NDUFS8: variants seen among roughly 807,000 people sequenced by gnomAD.
NDUFS8 encodes NADH:ubiquinone oxidoreductase core subunit S8, also known as NADH dehydrogenase [ubiquinone] iron-sulfur protein 8, mitochondrial.
Under a neutral mutation model 25.6 loss-of-function variants are expected in NDUFS8, and 13 were observed. The observed-to-expected ratio is 0.51, with a 90% CI of 0.33 to 0.81. NDUFS8 has a LOEUF of 0.81. NDUFS8 is among the 30% of genes least tolerant of loss of function. The pLI is 0.02. For missense variants in NDUFS8, 257 were observed against 300.9 expected (o/e 0.85, Z 1.08); for synonymous variants, 119 against 119.4 (o/e 1.00, Z 0.02).
rs1854883721 is a variant in NDUFS8 at position 68,036,099 on chromosome 11, G to C, written c.373-154G>C. 3.3e-6 allele frequency: 4 copies of C among 1,215,130 alleles called. No homozygotes were observed. In the South Asian group the frequency reaches 3.8e-5, roughly 12 times the overall value. 75.3% of individuals were successfully genotyped at this position (1,215,130 alleles called of 1,614,324 possible). A position where few individuals can be genotyped will look rare whatever the true frequency, so the allele number is the denominator to read the frequency against. On this transcript the variant is annotated intron_variant, in intron 5 of 6. Transcript: ENST00000313468. ...GCTGAGGAGACAGGCGCGAGCACCA[G>C]AGGTGCAGGGCGGCCTCTTAGCCGG...
intron 1 of NDUFS8, chr11:68,031,791 A>G: frequency 2.5e-6 from 1 of 393,298 alleles, no homozygotes; most frequent in South Asian, 2.2e-5. Context: ...CTCTCAGTGC[A>G]TGCTGGCGGG....
chr11:68,030,835 TC>T, intron 1 of NDUFS8, 102 bp downstream of exon 1: 1 of 417,168 alleles, frequency 2.4e-6, no homozygotes, highest in South Asian at 1.6e-5. Flanking sequence ...CGCCTGGGCT[TC>T]CCCTCGGCTC....
chr11:68,036,199 G>A, intron 5 of NDUFS8, 54 bp from the exon 6 acceptor site: 1 of 1,608,706 alleles, frequency 6.2e-7, no homozygotes. Context: ...CAGGGGCCCT[G>A]GGGGCTGGGA....
At chr11:68,036,225 T>A (rs772264195) in intron 5 of NDUFS8, 28 bp from the exon 6 acceptor site, 1 of 1,611,806 alleles carries the variant, frequency 6.2e-7, no homozygotes, top group Non-Finnish European at 8.5e-7. Flanking sequence ...CAGGGCAGCG[T>A]GGCAGTGTCT....
Position 68,033,222 on chromosome 11 carries a change from A to T in NDUFS8, c.311A>T (p.Tyr104Phe). ...CGTGGGGAGCATGCGCTGCGCCGGTACCCATCCGGGGAGGAGCGTTGCATT... is the reference window on the plus strand; with the variant it reads ...CGTGGGGAGCATGCGCTGCGCCGGTTCCCATCCGGGGAGGAGCGTTGCATT... ...RFRGEHALRRYPSGEERCIAC... is the reference protein window; with the variant it reads ...RFRGEHALRRFPSGEERCIAC... The change falls in exon 5 of 7, where the codon TAC becomes TTC. Residue 104 changes from tyrosine (Y) to phenylalanine (F), a missense_variant. Transcript: ENST00000313468. The T allele has an allele frequency of 6.2e-7, 1 of 1,611,914 alleles. No individual in the cohort carries two copies. The highest frequency in any genetic ancestry group is 8.5e-7 in the Non-Finnish European group (1 of 1,179,566).
intron 5 of NDUFS8, 186 bp from the exon 6 acceptor site, chr11:68,036,067 G>C (rs966451845): frequency 2.7e-4 from 220 of 815,064 alleles, no homozygotes; most frequent in Non-Finnish European, 3.8e-4. Context: ...ACGCCAGCAG[G>C]GCACGTGCTG....
At chr11:68,035,549 A>G (rs1451968332) in intron 5 of NDUFS8, 1 of 272,376 alleles carries the variant, frequency 3.7e-6, no homozygotes, top group African/African-American at 2.3e-5. Context: ...GGTTGCCCCA[A>G]ACCTTCAATT....
At chr11:68,030,770 G>C (rs188250918) in intron 1 of NDUFS8, 37 bp downstream of exon 1, 175 of 349,028 alleles carry the variant, frequency 5.0e-4, no homozygotes, top group African/African-American at 3.5e-3. Flanking sequence ...AGTCGGGCTT[G>C]GGCAGCGTGG....
At chr11:68,032,859 T>TG in intron 3 of NDUFS8, 64 bp from the exon 4 acceptor site, 1 of 1,532,662 alleles carries the variant, frequency 6.5e-7, no homozygotes, top group Non-Finnish European at 9.0e-7. Flanking sequence ...CTGCTCTCCC[T>TG]GAGGCTCCAG....
intron 3 of NDUFS8, chr11:68,032,679 G>A (rs1854794593): frequency 2.4e-6 from 2 of 846,602 alleles, no homozygotes; most frequent in South Asian, 1.7e-5. Context: ...GCCCTGTTGG[G>A]CAGGGAAGTG....
At chr11:68,035,754 T>C (rs1434150667) in intron 5 of NDUFS8, 1 of 453,270 alleles carries the variant, frequency 2.2e-6, no homozygotes, top group Non-Finnish European at 4.4e-6. Context: ...GCACGGTGGC[T>C]CACGCTTGTA....
intron 1 of NDUFS8, chr11:68,031,798 C>G (rs752526826): frequency 1.7e-5 from 7 of 402,074 alleles, no homozygotes; most frequent in Non-Finnish European, 1.9e-5. Context: ...TGCATGCTGG[C>G]GGGGGCTGGT....
At chr11:68,032,503 G>C (rs963670423) in intron 3 of NDUFS8, 167 bp downstream of exon 3, 1 of 1,520,046 alleles carries the variant, frequency 6.6e-7, no homozygotes, top group East Asian at 2.5e-5. Context: ...ATTCACAGGG[G>C]CAGGGTCCAT....
intron 1 of NDUFS8, chr11:68,031,192 A>G: frequency 4.5e-6 from 1 of 222,298 alleles, no homozygotes; most frequent in Non-Finnish European, 9.4e-6. Context: ...GCCCAAGGTC[A>G]CGCGGCAGGC....
intron 1 of NDUFS8, among the ~76,000 whole-genome samples, chr11:68,031,326 C>A (rs1327655497): frequency 1.3e-5 from 2 of 152,196 alleles, no homozygotes; most frequent in Non-Finnish European, 2.9e-5. Context: ...ACCTCCTTAT[C>A]GTGTGACTTC....
Position 68,032,277 on chromosome 11 carries a change from T to A in NDUFS8, c.59-9T>A. Reference sequence around the variant, plus strand: ...CTCCTGGTATGACGTCACGCCCTTCTTTTTGCAGGACCTCCTGGTGGCCGG... The same window carrying A: ...CTCCTGGTATGACGTCACGCCCTTCATTTTGCAGGACCTCCTGGTGGCCGG... On this transcript the variant is annotated splice_polypyrimidine_tract_variant and intron_variant, in intron 2 of 6. Coordinates refer to ENST00000313468, the MANE Select transcript of NDUFS8 (RefSeq NM_002496.4). 1 of 1,613,684 alleles carries A rather than the reference T, an allele frequency of 6.2e-7. No homozygotes were observed. Among genetic ancestry groups the A allele is most frequent in the African/African-American group, 1.3e-5 (1 of 75,026 alleles).
chr11:68,032,184 G>C lies in NDUFS8; in HGVS notation c.33G>C (p.Arg11=). 1.2e-6 allele frequency: 2 copies of C among 1,613,000 alleles called. No individual in the cohort carries two copies. The highest frequency in any genetic ancestry group is 1.7e-6 in the Non-Finnish European group (2 of 1,180,028). Residue 11 remains arginine, a synonymous_variant, in exon 2 of 7, where the codon CGG becomes CGC. Coordinates refer to ENST00000313468, the MANE Select transcript of NDUFS8 (RefSeq NM_002496.4). The part of the protein sequence containing the change: MRCLTTPMLL[R]ALAQAARAGP... ...GCCTGACCACGCCTATGCTGCTGCG[G>C]GCCCTGGCCCAGGCTGCACGTGCAG...
intron 5 of NDUFS8, chr11:68,034,856 G>A (rs1854852178): frequency 6.6e-6 from 1 of 151,918 alleles, no homozygotes; most frequent in South Asian, 2.1e-4. Context: ...GGATCACAAG[G>A]TCAGGAATTC....
At chr11:68,035,603 G>T in intron 5 of NDUFS8, 1 of 359,902 alleles carries the variant, frequency 2.8e-6, no homozygotes, top group Non-Finnish European at 5.7e-6. Context: ...GGCGAGGCGG[G>T]ACTGTAACTC....
Sources: allele counts gnomAD v4.1 joint callset (sites outside exome capture counted in the v4.1 genomes callset), GRCh38; gene constraint gnomAD v4.1.1; transcripts MANE v1.5; gene names NCBI Gene and HGNC (gene_info 2026-07-23, HGNC 2026-07-21).